Variants in SH3BP2 observed in about 807,000 individuals in gnomAD.
SH3BP2 encodes SH3 domain-binding protein 2.
Under a neutral mutation model 56.2 loss-of-function variants are expected in SH3BP2, and 38 were observed. That is an observed-to-expected ratio of 0.68 (90% CI 0.52 to 0.89). The LOEUF is 0.89. Among genes scored for constraint, SH3BP2 ranks in the 40% least tolerant of loss-of-function variants. The probability of loss-of-function intolerance (pLI) is 0.00; values close to 1 mark genes in which losing one functional copy is unlikely to be tolerated. For synonymous variants in SH3BP2, 346 were observed against 316.7 expected (o/e 1.09, Z -0.98); for missense variants, 748 against 762.6 (o/e 0.98, Z 0.23).
intron 1 of SH3BP2, among the ~76,000 whole-genome samples, chr4:2,815,576 T>C (rs1486698134): frequency 6.6e-6 from 1 of 152,226 alleles, no homozygotes. Context: ...TGTCCAGGTG[T>C]GGAGCCAGGA....
At chr4:2,804,883 G>A (rs928015107) in intron 1 of SH3BP2, among the ~76,000 whole-genome samples, 8 of 152,266 alleles carry the variant, frequency 5.3e-5, no homozygotes, top group African/African-American at 9.6e-5. Flanking sequence ...GTAGCCAAGC[G>A]TTGCAGCTCA....
intron 11 of SH3BP2, 110 bp downstream of exon 11, chr4:2,832,522 A>T: frequency 1.2e-6 from 1 of 824,488 alleles, no homozygotes; most frequent in Non-Finnish European, 2.1e-6. Context: ...GTGGACTCTT[A>T]CTTGGTGTCT....
chr4:2,799,139 C>T, intron 1 of SH3BP2: 2 of 985,782 alleles, frequency 2.0e-6, no homozygotes, highest in African/African-American at 1.7e-5. Context: ...TCCTGCTGTA[C>T]CCCTGCTGGC....
At chr4:2,800,821 G>C (rs1228971047) in intron 1 of SH3BP2, among the ~76,000 whole-genome samples, 1 of 152,218 alleles carries the variant, frequency 6.6e-6, no homozygotes, top group Non-Finnish European at 1.5e-5. Context: ...GGGGCAGAAG[G>C]CCAGGCGGGA....
In SH3BP2 at chr4:2,832,481, A is replaced by C. The variant is rs1276725321; in HGVS notation, c.1488+69A>C. 1.6e-5 allele frequency: 19 copies of C among 1,173,082 alleles called. No individual in the cohort carries two copies. In the Admixed American group the frequency reaches 2.7e-4, roughly 17 times the overall value. 72.7% of individuals were successfully genotyped at this position (1,173,082 alleles called of 1,614,324 possible). A position where few individuals can be genotyped will look rare whatever the true frequency, so the allele number is the denominator to read the frequency against. The stretch of plus-strand genomic sequence containing the variant: ...ACACACCCAGGCTGTGGGTGGGCCC[A>C]GGACTCCACAGTTCCTAAACCACTC... On this transcript the variant is annotated intron_variant, in intron 11 of 12. Transcript: ENST00000503393.
At chr4:2,800,032 G>A (rs564929446) in intron 1 of SH3BP2, among the ~76,000 whole-genome samples, 1 of 152,288 alleles carries the variant, frequency 6.6e-6, no homozygotes, top group South Asian at 2.1e-4. Context: ...GAGGAGCTCG[G>A]GCGGGGTCTG....
At chr4:2,820,589 C>A in intron 1 of SH3BP2, 25 bp from the exon 2 acceptor site, 4 of 1,614,096 alleles carry the variant, frequency 2.5e-6, no homozygotes, top group Non-Finnish European at 3.4e-6. Context: ...GTAGCTGAGC[C>A]ACGTGCCTTT....
At position 2,805,991 on chromosome 4, in the gene SH3BP2, G is replaced by A. The variant is rs566426896; in HGVS notation, c.-5+12853G>A. Among the ~76,000 whole-genome samples, 108 of 152,338 alleles carry A rather than the reference G, an allele frequency of 7.1e-4. 1 individual carries two copies. The South Asian group carries it at 0.017, about 24-fold the overall frequency. ...GCAGGAAGGAAAAGCACGGCCGGAC[G>A]CTGAGCTGGGCGGTTCCTCCCTTCC... On this transcript the variant is annotated intron_variant, in intron 1 of 12. Transcript: ENST00000503393.
chr4:2,804,779 C>T (rs1270598184), intron 1 of SH3BP2, among the ~76,000 whole-genome samples: 2 of 152,268 alleles, frequency 1.3e-5, no homozygotes, highest in African/African-American at 4.8e-5. Context: ...GGGGCCCTGC[C>T]AGGGCCATAA....
chr4:2,825,571 AAC>A (rs1479780786), intron 5 of SH3BP2, among the ~76,000 whole-genome samples: 2 of 147,298 alleles, frequency 1.4e-5, no homozygotes, highest in African/African-American at 5.1e-5. Flanking sequence ...TGCACACACA[AAC>A]ACAGAGCAAC....
chr4:2,840,543 G>C lies in SH3BP2; in HGVS notation c.*6709G>C, dbSNP rs1369460339. 1 of 151,832 alleles carries C rather than the reference G, an allele frequency of 6.6e-6. No homozygotes were observed. Among genetic ancestry groups the C allele is most frequent in the Non-Finnish European group, 1.5e-5 (1 of 67,934 alleles). 9.4% of individuals were successfully genotyped at this position (151,832 alleles called of 1,614,324 possible). A position where few individuals can be genotyped will look rare whatever the true frequency, so the allele number is the denominator to read the frequency against. ...GATCTGTTGTTGGATTCTTTCCTCT[G>C]TTCCATTAGTCTGTCTGTTCTTGTG... On this transcript the variant is annotated 3_prime_UTR_variant, in exon 13 of 13. Transcript: ENST00000503393.
chr4:2,798,874 C>T lies in SH3BP2; in HGVS notation c.-5+5736C>T, dbSNP rs1307701210. On this transcript the variant is annotated intron_variant, in intron 1 of 12. Coordinates refer to ENST00000503393, the MANE Select transcript of SH3BP2 (RefSeq NM_001122681.2). ...CAGGCCGTGTGACCTGGGCATCCTCCGCCTTCTCTGGGCAGGGCAGGGACA... is the reference window on the plus strand; with the variant it reads ...CAGGCCGTGTGACCTGGGCATCCTCTGCCTTCTCTGGGCAGGGCAGGGACA... 11 of 697,410 alleles carry T rather than the reference C, an allele frequency of 1.6e-5. No individual in the cohort carries two copies. The South Asian group carries it at 3.8e-4, about 24-fold the overall frequency. 43.2% of individuals were successfully genotyped at this position (697,410 alleles called of 1,614,324 possible). A position where few individuals can be genotyped will look rare whatever the true frequency, so the allele number is the denominator to read the frequency against.
At chr4:2,826,424 G>C (rs1185851967) in intron 5 of SH3BP2, 1 of 195,340 alleles carries the variant, frequency 5.1e-6, no homozygotes, top group Admixed American at 5.7e-5. Flanking sequence ...GTGTTGCTCT[G>C]TGTTTGTGTG....
chr4:2,818,429 G>A (rs970268019), intron 1 of SH3BP2: 42 of 1,107,740 alleles, frequency 3.8e-5, no homozygotes, highest in Non-Finnish European at 4.3e-5. Flanking sequence ...CCGGGACCCG[G>A]GCCGCGAGCT....
intron 1 of SH3BP2, among the ~76,000 whole-genome samples, chr4:2,803,335 T>C (rs1369586018): frequency 6.6e-6 from 1 of 152,166 alleles, no homozygotes; most frequent in African/African-American, 2.4e-5. Context: ...GCATCTCCAC[T>C]CTGTTCCCTT....
intron 1 of SH3BP2, chr4:2,812,572 T>G: frequency 6.9e-7 from 1 of 1,439,268 alleles, no homozygotes; most frequent in Non-Finnish European, 9.4e-7. Context: ...AGCCACAGCC[T>G]TCCTCGGGGC....
chr4:2,818,450 GACCCCGC>G, intron 1 of SH3BP2: 2 of 958,806 alleles, frequency 2.1e-6, no homozygotes, highest in Non-Finnish European at 1.3e-6. Flanking sequence ...TCCGGCTCTG[GACCCCGC>G]ACCCCGAGCC....
intron 5 of SH3BP2, 85 bp from the exon 6 acceptor site, chr4:2,827,145 G>A (rs1339514296): frequency 2.0e-6 from 2 of 1,009,504 alleles, no homozygotes; most frequent in East Asian, 2.4e-5. Context: ...GTATCCGCGT[G>A]TGCCTGTGTG....
intron 1 of SH3BP2, among the ~76,000 whole-genome samples, chr4:2,812,914 G>A (rs539517616): frequency 1.3e-5 from 2 of 152,240 alleles, no homozygotes; most frequent in African/African-American, 2.4e-5. Context: ...GCTGTACAAG[G>A]TCCCTGCTGC....
Sources: allele counts gnomAD v4.1 joint callset (sites outside exome capture counted in the v4.1 genomes callset), GRCh38; gene constraint gnomAD v4.1.1; transcripts MANE v1.5; gene names NCBI Gene and HGNC (gene_info 2026-07-23, HGNC 2026-07-21).